Variants in IMMP2L observed in about 807,000 individuals in gnomAD.
IMMP2L encodes mitochondrial inner membrane protease subunit 2.
A neutral mutation model predicts 19.3 loss-of-function variants in IMMP2L; 18 were observed. The observed-to-expected ratio is 0.93, with a 90% confidence interval of 0.64 to 1.38. The LOEUF is 1.38. Among genes scored for constraint, IMMP2L ranks in the 40% most tolerant of loss-of-function variants. IMMP2L has a pLI of 0.00. For synonymous variants in IMMP2L, 76 were observed against 73.0 expected, an observed-to-expected ratio of 1.04 and a Z score of -0.21; for missense variants, 233 against 218.2, an observed-to-expected ratio of 1.07 and a Z score of -0.43.
intron 3 of IMMP2L, among the ~76,000 whole-genome samples, chr7:110,978,734 A>G (rs1349498350): frequency 3.9e-5 from 6 of 152,096 alleles, no homozygotes; most frequent in Admixed American, 3.3e-4. Flanking sequence ...AGAAAAAAGT[A>G]TTTAACCCCA....
At chr7:111,352,094 A>T (rs775870989) in intron 3 of IMMP2L, among the ~76,000 whole-genome samples, 13 of 152,184 alleles carry the variant, frequency 8.5e-5, no homozygotes, top group Non-Finnish European at 1.9e-4. Context: ...TAAAACCAAG[A>T]CATATGTGTA....
At chr7:111,199,553 C>T (rs912669275) in intron 3 of IMMP2L, among the ~76,000 whole-genome samples, 2 of 152,118 alleles carry the variant, frequency 1.3e-5, no homozygotes, top group Non-Finnish European at 2.9e-5. Flanking sequence ...AGTTATTCTC[C>T]TGTAACAATG....
intron 3 of IMMP2L, among the ~76,000 whole-genome samples, chr7:111,446,439 AGGG>A (rs1838430563): frequency 6.7e-6 from 1 of 149,638 alleles, no homozygotes; most frequent in African/African-American, 2.5e-5. Flanking sequence ...AGCCCCCAGC[AGGG>A]GCACACTGAC....
At chr7:111,243,375 G>C (rs1372052845) in intron 3 of IMMP2L, among the ~76,000 whole-genome samples, 1 of 152,002 alleles carries the variant, frequency 6.6e-6, no homozygotes, top group African/African-American at 2.4e-5. Flanking sequence ...AAATTCCCAA[G>C]CTGTTGAAAT....
chr7:111,434,600 C>A (rs1836962670), intron 3 of IMMP2L, among the ~76,000 whole-genome samples: 1 of 151,674 alleles, frequency 6.6e-6, no homozygotes, highest in East Asian at 1.9e-4. Flanking sequence ...GGATGGAGTG[C>A]AGTGGCGCAA....
At chr7:110,999,977 T>C (rs1204113574) in intron 3 of IMMP2L, among the ~76,000 whole-genome samples, 2 of 152,184 alleles carry the variant, frequency 1.3e-5, no homozygotes, top group Non-Finnish European at 2.9e-5. Context: ...AGAAGAGCTC[T>C]ACTCCCTTTT....
intron 5 of IMMP2L, among the ~76,000 whole-genome samples, chr7:110,878,693 GA>G (rs1279129523): frequency 3.3e-5 from 5 of 151,478 alleles, no homozygotes; most frequent in South Asian, 2.1e-4. Flanking sequence ...ATGGAGGCCA[GA>G]AAAAAAATGT....
chr7:110,879,812 GCA>G (rs1809461692), intron 5 of IMMP2L, among the ~76,000 whole-genome samples: 1 of 152,038 alleles, frequency 6.6e-6, no homozygotes, highest in Admixed American at 6.6e-5. Flanking sequence ...GACTTAATCT[GCA>G]CTGGTAATGA....
At chr7:110,980,215 T>G (rs899549677) in intron 3 of IMMP2L, among the ~76,000 whole-genome samples, 3 of 141,744 alleles carry the variant, frequency 2.1e-5, no homozygotes, top group African/African-American at 7.7e-5. Context: ...TATGACTGTA[T>G]TTGTGCTGCT....
intron 3 of IMMP2L, among the ~76,000 whole-genome samples, chr7:111,330,347 G>A (rs1015114940): frequency 1.3e-5 from 2 of 151,654 alleles, no homozygotes; most frequent in Non-Finnish European, 2.9e-5. Context: ...GGCTGAAATG[G>A]AAGACAGGAA....
chr7:110,842,160 CCTAA>C (rs1433579526), intron 5 of IMMP2L, among the ~76,000 whole-genome samples: 5 of 152,148 alleles, frequency 3.3e-5, no homozygotes, highest in Admixed American at 2.0e-4. Flanking sequence ...CCAAAAATTT[CCTAA>C]CTATTTGGGG....
intron 4 of IMMP2L, among the ~76,000 whole-genome samples, chr7:110,894,750 T>A (rs984783296): frequency 6.6e-6 from 1 of 152,192 alleles, no homozygotes; most frequent in Non-Finnish European, 1.5e-5. Flanking sequence ...AAAATACATG[T>A]TTTTCATAAG....
chr7:111,311,462 T>C (rs967636579), intron 3 of IMMP2L, among the ~76,000 whole-genome samples: 3 of 152,216 alleles, frequency 2.0e-5, no homozygotes, highest in East Asian at 1.9e-4. Context: ...CCATGTATGG[T>C]AATCCCTGAA....
chr7:110,692,497 T>A (rs1414083707), intron 5 of IMMP2L, among the ~76,000 whole-genome samples: 2 of 150,760 alleles, frequency 1.3e-5, no homozygotes. Context: ...GCTATTGAAA[T>A]AAAAAAAAAG....
intron 2 of IMMP2L, among the ~76,000 whole-genome samples, chr7:111,488,372 T>C (rs1045696255): frequency 6.6e-5 from 10 of 152,126 alleles, no homozygotes; most frequent in African/African-American, 2.4e-4. Flanking sequence ...AAGTCCAATG[T>C]GTCATTCTTA....
chr7:110,966,212 G>A (rs963909989), intron 3 of IMMP2L, among the ~76,000 whole-genome samples: 2 of 152,034 alleles, frequency 1.3e-5, no homozygotes, highest in Non-Finnish European at 2.9e-5. Context: ...ATAGCAGAGA[G>A]AGAAATGTGC....
intron 5 of IMMP2L, among the ~76,000 whole-genome samples, chr7:110,864,962 T>A (rs1460180607): frequency 6.6e-6 from 1 of 152,024 alleles, no homozygotes; most frequent in African/African-American, 2.4e-5. Flanking sequence ...CTATGCTCCA[T>A]TCCATAGATA....
intron 5 of IMMP2L, among the ~76,000 whole-genome samples, chr7:110,772,015 C>T (rs1162149683): frequency 2.0e-5 from 3 of 152,138 alleles, no homozygotes; most frequent in African/African-American, 7.2e-5. Flanking sequence ...TCGGGGCTTT[C>T]TTTGAGGTCT....
chr7:111,220,576 T>TGATGGATGGATG lies in IMMP2L; in HGVS notation c.240-257023_240-257012dup, dbSNP rs34015257. ...TTACTCAGGCTTCTCCAGAGAAACA[T>TGATGGATGGATG]GATGGATGGATGGATGGATGGATGG... On this transcript the variant is annotated intron_variant, in intron 3 of 5. Transcript: ENST00000405709. Among the ~76,000 whole-genome samples, 859 of 148,368 alleles carry TGATGGATGGATG rather than the reference T, an allele frequency of 5.8e-3. 4 individuals carry two copies. The highest frequency in any genetic ancestry group is 9.0e-3 in the Non-Finnish European group (603 of 66,872).
Sources: allele counts gnomAD v4.1 joint callset (sites outside exome capture counted in the v4.1 genomes callset), GRCh38; gene constraint gnomAD v4.1.1; transcripts MANE v1.5; gene names NCBI Gene and HGNC (gene_info 2026-07-23, HGNC 2026-07-21).